ARID1B: variants seen among roughly 807,000 people sequenced by gnomAD.
ARID1B encodes AT-rich interactive domain-containing protein 1B.
ARID1B carries 30 observed loss-of-function variants against 212.3 expected under a neutral mutation model. The ratio of observed to expected loss-of-function variants is 0.14; its 90% CI spans 0.11 to 0.19. The LOEUF is 0.19. Ranked by LOEUF, ARID1B falls within the 10% of genes least tolerant of loss-of-function variation. ARID1B has a pLI of 1.00. For missense variants in ARID1B, 2,891 were observed against 3,204.0 expected, an observed-to-expected ratio of 0.90 and a Z score of 2.36; for synonymous variants, 1,402 against 1,301.7, an observed-to-expected ratio of 1.08 and a Z score of -1.66.
chr6:156,778,581 C>G lies in ARID1B; in HGVS notation c.901C>G (p.Pro301Ala), dbSNP rs1044746171. Reference protein sequence around the residue: ...LGTQQPPVAVPGGGGGPAAVP... With the variant: ...LGTQQPPVAVAGGGGGPAAVP... ...CACGCAGCAGCCGCCGGTCGCCGTG[C>G]CCGGGGGCGGCGGCGGCCCGGCGGC... is the stretch of plus-strand genomic sequence containing the variant. The change falls in exon 1 of 20, where the codon CCC becomes GCC. Residue 301 changes from proline to alanine, a missense_variant. Pro to Ala is a conservative substitution (Grantham distance 27, BLOSUM62 -1). Around this residue, in one of 7 missense-constraint regions of ARID1B, gnomAD observed 1,643 missense variants for 1,544.0 expected, o/e 1.06. Coordinates refer to ENST00000636930, the MANE Select transcript of ARID1B (RefSeq NM_001374828.1). 157 of 1,261,592 alleles carry G rather than the reference C, an allele frequency of 1.2e-4. No individual in the cohort carries two copies. The highest frequency in any genetic ancestry group is 1.5e-4 in the Non-Finnish European group (146 of 1,005,910). The allele number at this position is 1,261,592 out of a possible 1,614,324, so 78.1% of individuals were successfully genotyped here.
chr6:157,148,830 TCTC>T lies in ARID1B; in HGVS notation c.2971_2973del (p.Pro991del). The T allele has an allele frequency of 6.2e-7, 1 of 1,612,926 alleles. No individual in the cohort carries two copies. Among genetic ancestry groups the T allele is most frequent in the Non-Finnish European group, 8.5e-7 (1 of 1,179,902 alleles). ...AAATATGAGCAGCATGACCCCCAGT[TCTC>T]CTGGCATGTCTCAGCAGGGAGGGCC... is the stretch of plus-strand genomic sequence containing the variant. On this transcript the variant is annotated inframe_deletion, in exon 8 of 20. Transcript: ENST00000636930. This position sits in a 1 kb window ranked among gnomAD's most constrained non-coding sequence, Gnocchi z 5.6.
At chr6:157,121,682 G>C (rs1280953484) in intron 6 of ARID1B, among the ~76,000 whole-genome samples, 1 of 136,426 alleles carries the variant, frequency 7.3e-6, no homozygotes, top group East Asian at 2.0e-4. Flanking sequence ...ATCCAGGCTG[G>C]AGTGCAGTGG....
chr6:156,975,941 G>GTT (rs1777212438), intron 4 of ARID1B, among the ~76,000 whole-genome samples: 2 of 148,288 alleles, frequency 1.3e-5, no homozygotes, highest in Admixed American at 1.3e-4. Context: ...GTGATAGGCG[G>GTT]TGGAGTTGGG....
At chr6:156,931,961 TAAAAAAA>T (rs56102774) in intron 3 of ARID1B, among the ~76,000 whole-genome samples, 22 of 97,398 alleles carry the variant, frequency 2.3e-4, no homozygotes, top group Non-Finnish European at 3.6e-4. Context: ...GATTCCGTCT[TAAAAAAA>T]AAAAAAAAAA....
intron 4 of ARID1B, among the ~76,000 whole-genome samples, chr6:157,029,441 T>G (rs112068872): frequency 2.0e-4 from 30 of 152,370 alleles, no homozygotes; most frequent in African/African-American, 6.7e-4. Context: ...TTTAGTGAGC[T>G]CCTACTCTGT....
intron 1 of ARID1B, 132 bp downstream of exon 1, chr6:156,779,603 T>A: frequency 4.1e-6 from 4 of 965,510 alleles, no homozygotes; most frequent in African/African-American, 1.8e-5. Flanking sequence ...CCCAAAGCCA[T>A]CTTGACGGGC....
intron 2 of ARID1B, among the ~76,000 whole-genome samples, chr6:156,896,401 A>C (rs911579502): frequency 9.3e-5 from 14 of 150,716 alleles, no homozygotes; most frequent in African/African-American, 3.2e-4. Flanking sequence ...ATATGATGAA[A>C]CCCATCTCTA....
Position 157,148,968 on chromosome 6 carries a change from C to G in ARID1B, c.3089+17C>G, listed in dbSNP as rs1790002297. 9 of 1,601,874 alleles carry G rather than the reference C, an allele frequency of 5.6e-6. No homozygotes were observed. Among genetic ancestry groups the G allele is most frequent in the African/African-American group, 1.3e-5 (1 of 74,802 alleles). On this transcript the variant is annotated intron_variant, in intron 8 of 19. Transcript: ENST00000636930. This position sits in a 1 kb window ranked among gnomAD's most constrained non-coding sequence, Gnocchi z 5.6. ...ACAAAGCAGGTACGCCACCCAGGAG[C>G]ACGCCCCGGGCAGGTACGCTGTGTG...
chr6:157,170,910 G>A lies in ARID1B; in HGVS notation c.3236-3098G>A, dbSNP rs186075295. 1.1e-3 allele frequency among the ~76,000 whole-genome samples: 171 copies of A among 152,318 alleles called. 2 individuals carry two copies. Among genetic ancestry groups the A allele is most frequent in the African/African-American group, 3.8e-3 (157 of 41,570 alleles). On this transcript the variant is annotated intron_variant, in intron 9 of 19. Coordinates refer to ENST00000636930, the MANE Select transcript of ARID1B (RefSeq NM_001374828.1). ...CATGTAAACATAGTCATGAACATCC[G>A]CGGATGTACATAGATCAGCCCTCTG...
intron 4 of ARID1B, among the ~76,000 whole-genome samples, chr6:157,031,430 T>C (rs188934999): frequency 1.3e-5 from 2 of 152,344 alleles, no homozygotes. Context: ...TCTAAATTCT[T>C]GGTAATACCC....
intron 2 of ARID1B, among the ~76,000 whole-genome samples, chr6:156,883,609 G>A (rs1378684162): frequency 2.0e-5 from 3 of 152,002 alleles, no homozygotes; most frequent in Non-Finnish European, 4.4e-5. Context: ...CCCAGCACTC[G>A]GCCCACGCTC....
In ARID1B at chr6:157,174,170, C is replaced by G; in HGVS notation, c.3345+53C>G. 2.0e-6 allele frequency: 3 copies of G among 1,520,462 alleles called. No homozygotes were observed. The South Asian group carries it at 3.4e-5, about 17-fold the overall frequency. 94.2% of individuals were successfully genotyped at this position (1,520,462 alleles called of 1,614,324 possible). On this transcript the variant is annotated intron_variant, in intron 10 of 19. Transcript: ENST00000636930. Reference sequence around the variant, plus strand: ...TGAGGTCTGCCTAGCAAAAAGCTGCCATGTCGTTCTCTCTTCACTGGTGTT... The same window carrying G: ...TGAGGTCTGCCTAGCAAAAAGCTGCGATGTCGTTCTCTCTTCACTGGTGTT...
At chr6:157,173,812 A>G in intron 9 of ARID1B, 196 bp from the exon 10 acceptor site, 1 of 494,724 alleles carries the variant, frequency 2.0e-6, no homozygotes, top group South Asian at 3.7e-5. Flanking sequence ...TTTTTAGATA[A>G]AAAAGGATTT....
chr6:156,813,709 T>A (rs1781771473), intron 1 of ARID1B, among the ~76,000 whole-genome samples: 1 of 152,216 alleles, frequency 6.6e-6, no homozygotes, highest in Non-Finnish European at 1.5e-5. Flanking sequence ...CCAAAATGAT[T>A]CCAGTTTGTG....
chr6:156,898,679 A>G (rs1404945859), intron 2 of ARID1B, among the ~76,000 whole-genome samples: 2 of 152,234 alleles, frequency 1.3e-5, no homozygotes, highest in African/African-American at 4.8e-5. Context: ...TCATTAAAGA[A>G]TTAGATTTTA....
chr6:156,880,286 A>G (rs1204563415), intron 2 of ARID1B, among the ~76,000 whole-genome samples: 1 of 152,244 alleles, frequency 6.6e-6, no homozygotes, highest in African/African-American at 2.4e-5. Context: ...AAAGAAAAAT[A>G]GCGAGAATGT....
rs556322459 is a variant in ARID1B, at chr6:157,081,816, G to C, written c.2248-2846G>C. Among the ~76,000 whole-genome samples, 25 of 152,254 alleles carry C rather than the reference G, an allele frequency of 1.6e-4. 1 individual carries two copies. Among genetic ancestry groups the C allele is most frequent in the African/African-American group, 5.5e-4 (23 of 41,552 alleles). On this transcript the variant is annotated intron_variant, in intron 4 of 19. Coordinates refer to ENST00000636930, the MANE Select transcript of ARID1B (RefSeq NM_001374828.1). ...TTTCAGATTTTATGATGAGAGATTT[G>C]CATAAAATTATTTAACTACAATAGA...
chr6:156,968,367 C>T (rs1449706136), intron 4 of ARID1B, among the ~76,000 whole-genome samples: 1 of 152,114 alleles, frequency 6.6e-6, no homozygotes, highest in Non-Finnish European at 1.5e-5. Flanking sequence ...AGATATGAAA[C>T]ACTTGGGGAA....
chr6:156,966,761 C>T (rs1052008500), intron 4 of ARID1B, among the ~76,000 whole-genome samples: 24 of 148,318 alleles, frequency 1.6e-4, no homozygotes, highest in African/African-American at 5.7e-4. Flanking sequence ...AGTGCAGTGG[C>T]GCGATCTCGG....
Sources: gnomAD v4.1 joint callset for allele counts (sites outside exome capture counted in the v4.1 genomes callset) on GRCh38, gnomAD v4.1.1 for gene constraint, gnomAD v4.1.1 regional missense constraint, Gnocchi (gnomAD v3.1) non-coding constraint, MANE v1.5 for transcripts, NCBI Gene and HGNC (gene_info 2026-07-23, HGNC 2026-07-21) for gene names.